AGBL4: variants seen among roughly 807,000 people sequenced by gnomAD.
AGBL4 encodes cytosolic carboxypeptidase 6.
A neutral mutation model predicts 66.4 loss-of-function variants in AGBL4; 58 were observed. That is an observed-to-expected ratio of 0.87 (90% CI 0.71 to 1.09). The LOEUF (loss-of-function observed/expected upper bound fraction) is 1.09. Among genes scored for constraint, AGBL4 ranks in the 50% least tolerant of loss-of-function variants. AGBL4 has a pLI of 0.00. For missense variants in AGBL4, 579 were observed against 631.0 expected, an observed-to-expected ratio of 0.92 and a Z score of 0.88; for synonymous variants, 234 against 222.9, an observed-to-expected ratio of 1.05 and a Z score of -0.44.
intron 2 of AGBL4, among the ~76,000 whole-genome samples, chr1:49,747,428 A>G (rs1049377877): frequency 6.6e-6 from 1 of 152,308 alleles, no homozygotes; most frequent in Admixed American, 6.5e-5. Context: ...TAAATATAAC[A>G]TAAGAAATTC....
chr1:48,737,351 C>A (rs750431796), intron 6 of AGBL4, among the ~76,000 whole-genome samples: 3 of 152,130 alleles, frequency 2.0e-5, no homozygotes, highest in Non-Finnish European at 4.4e-5. Context: ...CCTAGAGATT[C>A]TGATTTATTT....
rs192956100 is a variant in AGBL4, at chr1:49,134,786, C to T, written c.378-88986G>A. 8.5e-3 allele frequency among the ~76,000 whole-genome samples: 1,299 copies of T among 152,060 alleles called. 5 individuals are homozygous for T. Among genetic ancestry groups the T allele is most frequent in the Non-Finnish European group, 0.014 (966 of 67,986 alleles). ...GTCCTGAGGTGACATACATCCTCAG[C>T]TTACAAAGATGATGGGATTAAGAGA... On this transcript the variant is annotated intron_variant, in intron 4 of 13. Coordinates refer to ENST00000371839, the MANE Select transcript of AGBL4 (RefSeq NM_032785.4).
chr1:49,020,516 T>C (rs1289200291), intron 5 of AGBL4, among the ~76,000 whole-genome samples: 1 of 152,056 alleles, frequency 6.6e-6, no homozygotes, highest in African/African-American at 2.4e-5. Flanking sequence ...GAGGCTCCAG[T>C]ATTGAGGGAG....
chr1:49,179,053 T>C (rs1646881419), intron 4 of AGBL4, among the ~76,000 whole-genome samples: 1 of 152,214 alleles, frequency 6.6e-6, no homozygotes, highest in Admixed American at 6.5e-5. Context: ...CTTATGCTTT[T>C]TTAATTTTTC....
At chr1:49,432,833 T>C (rs979010473) in intron 3 of AGBL4, among the ~76,000 whole-genome samples, 2 of 152,166 alleles carry the variant, frequency 1.3e-5, no homozygotes. Context: ...TCTAGAGCAC[T>C]TGGATAGCTT....
At chr1:49,129,216 G>A (rs1485931861) in intron 4 of AGBL4, among the ~76,000 whole-genome samples, 1 of 151,984 alleles carries the variant, frequency 6.6e-6, no homozygotes, top group African/African-American at 2.4e-5. Flanking sequence ...GCATTGACAA[G>A]GATACAGAGA....
intron 5 of AGBL4, among the ~76,000 whole-genome samples, chr1:48,942,601 G>C (rs1656098511): frequency 6.6e-6 from 1 of 152,168 alleles, no homozygotes; most frequent in Admixed American, 6.6e-5. Context: ...ACTTACTCTG[G>C]AAGCTGTGTC....
At chr1:48,624,848 C>T (rs1021307344) in intron 9 of AGBL4, among the ~76,000 whole-genome samples, 1 of 151,646 alleles carries the variant, frequency 6.6e-6, no homozygotes, top group East Asian at 1.9e-4. Flanking sequence ...CTTTACTCAG[C>T]GAATTTGTAT....
chr1:49,486,336 A>T (rs2148735005), intron 3 of AGBL4, among the ~76,000 whole-genome samples: 1 of 152,138 alleles, frequency 6.6e-6, no homozygotes, highest in South Asian at 2.1e-4. Context: ...CAACTTAATA[A>T]GTTCACCTAT....
intron 4 of AGBL4, among the ~76,000 whole-genome samples, chr1:49,207,542 T>TTTTCTTTTC (rs1553166400): frequency 1.0e-4 from 8 of 77,976 alleles, no homozygotes; most frequent in Non-Finnish European, 1.5e-4. Context: ...TTTTTCTTTC[T>TTTTCTTTTC]TTTCTTTCTT....
rs1188471443 is a variant in AGBL4, at chr1:48,800,160, A to G, written c.634+67031T>C. Among the ~76,000 whole-genome samples, 3 of 152,100 alleles carry G rather than the reference A, an allele frequency of 2.0e-5. No homozygotes were observed. In the East Asian group the frequency reaches 5.8e-4, roughly 29 times the overall value. On this transcript the variant is annotated intron_variant, in intron 6 of 13. Transcript: ENST00000371839. The stretch of plus-strand genomic sequence containing the variant: ...TTTTTTGTTGGCAATTTTAAAAATT[A>G]TTGTTTCAATCTCACCATTTGTTAT...
rs574931354 is a variant in AGBL4, at chr1:49,276,394, G to C, written c.283-30530C>G. 1.1e-3 allele frequency among the ~76,000 whole-genome samples: 164 copies of C among 152,202 alleles called. 1 individual carries two copies. Among genetic ancestry groups the C allele is most frequent in the African/African-American group, 3.8e-3 (158 of 41,520 alleles). On this transcript the variant is annotated intron_variant, in intron 3 of 13. Coordinates refer to ENST00000371839, the MANE Select transcript of AGBL4 (RefSeq NM_032785.4). The stretch of plus-strand genomic sequence containing the variant: ...CTGTGAAACTTTTCAAAGTTTCAAA[G>C]TAGAGACTCAAGGATATCAAAATAT...
chr1:49,799,740 C>T (rs1291022828), intron 2 of AGBL4, among the ~76,000 whole-genome samples: 1 of 152,092 alleles, frequency 6.6e-6, no homozygotes, highest in East Asian at 1.9e-4. Context: ...TAAAAGAATT[C>T]TGAACTGACA....
intron 5 of AGBL4, among the ~76,000 whole-genome samples, chr1:48,986,689 G>C (rs1180818230): frequency 1.3e-5 from 2 of 152,036 alleles, no homozygotes; most frequent in Non-Finnish European, 2.9e-5. Flanking sequence ...AATTATGCCA[G>C]ATGGAAATAT....
chr1:49,474,685 A>G (rs1218383318), intron 3 of AGBL4, among the ~76,000 whole-genome samples: 1 of 151,934 alleles, frequency 6.6e-6, no homozygotes, highest in Non-Finnish European at 1.5e-5. Flanking sequence ...AAATAGCTCT[A>G]GGGATATTTG....
At chr1:49,535,098 G>A (rs1451404634) in intron 3 of AGBL4, among the ~76,000 whole-genome samples, 4 of 152,054 alleles carry the variant, frequency 2.6e-5, no homozygotes, top group Non-Finnish European at 5.9e-5. Context: ...ATGACAGTAT[G>A]TACATGAAAC....
chr1:48,744,554 G>T lies in AGBL4; in HGVS notation c.635-81313C>A, dbSNP rs1380597442. 2.6e-5 allele frequency among the ~76,000 whole-genome samples: 4 copies of T among 152,120 alleles called. No individual in the cohort carries two copies. In the South Asian group the frequency reaches 8.3e-4, roughly 32 times the overall value. On this transcript the variant is annotated intron_variant, in intron 6 of 13. Transcript: ENST00000371839. The stretch of plus-strand genomic sequence containing the variant: ...AGGTCCATGAAAGGCACTCACTCAC[G>T]GTCATTTTTAGCAAGAACATGTCTT...
At chr1:49,363,892 C>A (rs1396520868) in intron 3 of AGBL4, among the ~76,000 whole-genome samples, 2 of 152,104 alleles carry the variant, frequency 1.3e-5, no homozygotes, top group Non-Finnish European at 2.9e-5. Context: ...CATAGCTGTA[C>A]ATAAAAAATA....
intron 5 of AGBL4, among the ~76,000 whole-genome samples, chr1:48,881,667 T>TCC (rs72477125): frequency 2.0e-5 from 3 of 151,878 alleles, no homozygotes; most frequent in Non-Finnish European, 2.9e-5. Flanking sequence ...TTCTCTGATC[T>TCC]CCCCCCTCCA....
Sources: gnomAD v4.1 joint callset for allele counts (sites outside exome capture counted in the v4.1 genomes callset) on GRCh38, gnomAD v4.1.1 for gene constraint, MANE v1.5 for transcripts, NCBI Gene and HGNC (gene_info 2026-07-23, HGNC 2026-07-21) for gene names.